OTOG: variants seen among roughly 807,000 people sequenced by gnomAD.
OTOG encodes otogelin.
A neutral mutation model predicts 313.8 loss-of-function variants in OTOG; 296 were observed. That is an observed-to-expected ratio of 0.94 (90% CI 0.86 to 1.04). The LOEUF is 1.04. Ranked by LOEUF, OTOG falls within the 50% of genes least tolerant of loss-of-function variation. OTOG has a pLI of 0.00. For synonymous variants in OTOG, 1,533 were observed against 1,554.9 expected, an observed-to-expected ratio of 0.99 and a Z score of 0.33; for missense variants, 3,948 against 3,840.1, an observed-to-expected ratio of 1.03 and a Z score of -0.74.
chr11:17,625,587 T>G (rs1021277526), intron 39 of OTOG, among the ~76,000 whole-genome samples: 2 of 152,216 alleles, frequency 1.3e-5, no homozygotes, highest in African/African-American at 2.4e-5. Context: ...TGCATCACTG[T>G]TCATGTCTTC....
In OTOG at chr11:17,561,258, C is replaced by T. The variant is rs558696545; in HGVS notation, c.1498+121C>T. 187 of 1,136,206 alleles carry T rather than the reference C, an allele frequency of 1.6e-4. No homozygotes were observed. In the African/African-American group the frequency reaches 1.8e-3, roughly 11 times the overall value. 70.4% of individuals were successfully genotyped at this position (1,136,206 alleles called of 1,614,324 possible). ...GGATGTCACTCAGTTCCATTGGCTA[C>T]GCCCCGACCCCTGTTTCCTCAGAAT... is the stretch of plus-strand genomic sequence containing the variant. On this transcript the variant is annotated intron_variant, in intron 14 of 55. Transcript: ENST00000399397.
intron 35 of OTOG, 69 bp from the exon 36 acceptor site, chr11:17,609,586 C>T: frequency 7.4e-7 from 1 of 1,345,596 alleles, no homozygotes; most frequent in Non-Finnish European, 1.0e-6. Flanking sequence ...CACACCACAG[C>T]CCTGCCCAGC....
rs79574062 is a variant in OTOG, at chr11:17,561,229, G to A, written c.1498+92G>A. 16,638 of 1,420,786 alleles carry A rather than the reference G, an allele frequency of 0.012. 827 individuals are homozygous for A. Among genetic ancestry groups the A allele is most frequent in the African/African-American group, 0.1 (7,324 of 70,292 alleles). The allele number at this position is 1,420,786 out of a possible 1,614,324, so 88.0% of individuals were successfully genotyped here. A position where few individuals can be genotyped will look rare whatever the true frequency, so the allele number is the denominator to read the frequency against. Reference sequence around the variant, plus strand: ...TCTCTGGGGGCCAGGCTTGCTGCGGGTGGGGATGTCACTCAGTTCCATTGG... The same window carrying A: ...TCTCTGGGGGCCAGGCTTGCTGCGGATGGGGATGTCACTCAGTTCCATTGG... On this transcript the variant is annotated intron_variant, in intron 14 of 55. Coordinates refer to ENST00000399397, the MANE Select transcript of OTOG (RefSeq NM_001292063.2).
At chr11:17,555,608 A>G (rs1400477855) in intron 6 of OTOG, 171 bp from the exon 7 acceptor site, 5 of 568,142 alleles carry the variant, frequency 8.8e-6, no homozygotes, top group Admixed American at 3.0e-5. Context: ...CCTCTCTGTG[A>G]ATCCATTGCC....
chr11:17,640,106 A>G (rs529797102), intron 49 of OTOG, among the ~76,000 whole-genome samples: 2 of 152,300 alleles, frequency 1.3e-5, no homozygotes, highest in East Asian at 3.9e-4. Context: ...GATGACAATC[A>G]TGACGGTAGC....
chr11:17,591,487 C>G lies in OTOG; in HGVS notation c.2905C>G (p.Pro969Ala), dbSNP rs1280023671. The G allele has an allele frequency of 2.6e-6, 4 of 1,550,684 alleles. No homozygotes were observed. The highest frequency in any genetic ancestry group is 2.0e-5 in the Admixed American group (1 of 51,006). Residue 969 changes from proline (P) to alanine (A), a missense_variant, in exon 25 of 56, where the codon CCT becomes GCT. Physicochemically the swap from Pro to Ala is conservative, Grantham distance 27. Transcript: ENST00000399397. ...QRGSFQCTLH[P>A]CASTCTAYGD... ...GGGCTCATTCCAGTGCACCCTGCAC[C>G]CTTGCGCCTCCACCTGCACTGCCTA...
chr11:17,618,642 A>T (rs561498625), intron 39 of OTOG, among the ~76,000 whole-genome samples: 143 of 152,366 alleles, frequency 9.4e-4, no homozygotes, highest in African/African-American at 3.3e-3. Context: ...TACTGAGAGA[A>T]TGTTGAAATA....
In OTOG at chr11:17,639,327, G is replaced by T. The variant is rs945751811; in HGVS notation, c.7895-96G>T. ...CTGGCCTGGAGCTGGGTCTTCAGAA[G>T]ACGGGTTGTGCCAGCAGTGAGAGGT... On this transcript the variant is annotated intron_variant, in intron 48 of 55. Coordinates refer to ENST00000399397, the MANE Select transcript of OTOG (RefSeq NM_001292063.2). The T allele has an allele frequency of 2.2e-6, 3 of 1,336,804 alleles. No homozygotes were observed. In the African/African-American group the frequency reaches 4.4e-5, roughly 19 times the overall value. The allele number at this position is 1,336,804 out of a possible 1,614,324, so 82.8% of individuals were successfully genotyped here.
intron 39 of OTOG, among the ~76,000 whole-genome samples, chr11:17,628,611 G>A (rs896957506): frequency 2.0e-5 from 3 of 152,168 alleles, no homozygotes; most frequent in African/African-American, 4.8e-5. Flanking sequence ...GGTAAATCAG[G>A]CATAGTATCT....
intron 6 of OTOG, among the ~76,000 whole-genome samples, chr11:17,555,227 G>C (rs1031903949): frequency 2.0e-4 from 31 of 152,050 alleles, no homozygotes; most frequent in Non-Finnish European, 3.8e-4. Context: ...GTGTGTGTGT[G>C]TGTGTGTGAC....
At chr11:17,600,017 A>C (rs984649253) in intron 31 of OTOG, among the ~76,000 whole-genome samples, 1 of 152,242 alleles carries the variant, frequency 6.6e-6, no homozygotes, top group Admixed American at 6.5e-5. Flanking sequence ...CGCCTTCATA[A>C]TCTAGCTCAT....
chr11:17,586,442 C>T, intron 23 of OTOG, 32 bp from the exon 24 acceptor site: 4 of 1,307,582 alleles, frequency 3.1e-6, no homozygotes, highest in Admixed American at 3.7e-5. Context: ...GAAGAGTGCT[C>T]TCCTGACCGC....
intron 24 of OTOG, among the ~76,000 whole-genome samples, chr11:17,589,887 C>T (rs1852890886): frequency 6.6e-6 from 1 of 152,178 alleles, no homozygotes; most frequent in Non-Finnish European, 1.5e-5. Context: ...CAGTTGATCA[C>T]TTTTCCATTA....
chr11:17,634,127 C>T lies in OTOG; in HGVS notation c.7326C>T (p.Leu2442=), dbSNP rs1206886324. 6.5e-7 allele frequency: 1 copy of T among 1,549,258 alleles called. No individual in the cohort carries two copies. The highest frequency in any genetic ancestry group is 8.7e-7 in the Non-Finnish European group (1 of 1,146,940). ...TGGGGGAGACCTGGAACAGCTCCCT[C>T]AGCGGCTGCTGCCAGCACCAGTGCC... is the stretch of plus-strand genomic sequence containing the variant. ...RALGETWNSS[L]SGCCQHQCQA... The change falls in exon 44 of 56, where the codon CTC becomes CTT. Residue 2442 remains leucine (L), a synonymous_variant. Coordinates refer to ENST00000399397, the MANE Select transcript of OTOG (RefSeq NM_001292063.2).
chr11:17,597,566 T>C (rs375727373), intron 30 of OTOG, among the ~76,000 whole-genome samples: 4 of 152,208 alleles, frequency 2.6e-5, no homozygotes, highest in African/African-American at 7.2e-5. Flanking sequence ...ATGCTTTTCA[T>C]TGCACACACC....
chr11:17,592,180 G>A (rs532972417), intron 25 of OTOG, among the ~76,000 whole-genome samples: 1 of 152,282 alleles, frequency 6.6e-6, no homozygotes, highest in Admixed American at 6.5e-5. Context: ...CCCTACCCCA[G>A]GAGGAATGGG....
At chr11:17,566,346 C>T (rs1852293312) in intron 15 of OTOG, among the ~76,000 whole-genome samples, 1 of 152,168 alleles carries the variant, frequency 6.6e-6, no homozygotes, top group South Asian at 2.1e-4. Flanking sequence ...TGTACATGTT[C>T]AGTACAGAAG....
intron 23 of OTOG, among the ~76,000 whole-genome samples, chr11:17,579,635 C>T (rs1018121285): frequency 6.6e-6 from 1 of 152,208 alleles, no homozygotes; most frequent in Non-Finnish European, 1.5e-5. Flanking sequence ...TAGGCCTGAC[C>T]ACCTGCTGCC....
At chr11:17,619,313 G>C (rs1486555480) in intron 39 of OTOG, among the ~76,000 whole-genome samples, 1 of 152,088 alleles carries the variant, frequency 6.6e-6, no homozygotes, top group Non-Finnish European at 1.5e-5. Context: ...TTTGCAGGGG[G>C]TAAATAGTTG....
Sources: allele counts gnomAD v4.1 joint callset (sites outside exome capture counted in the v4.1 genomes callset), GRCh38; gene constraint gnomAD v4.1.1; transcripts MANE v1.5; gene names NCBI Gene and HGNC (gene_info 2026-07-23, HGNC 2026-07-21).